GRID1: variants seen among roughly 807,000 people sequenced by gnomAD.
GRID1 encodes the protein glutamate receptor ionotropic, delta-1.
GRID1 carries 28 observed loss-of-function variants against 98.0 expected under a neutral mutation model. The ratio of observed to expected loss-of-function variants is 0.29; its 90% CI spans 0.21 to 0.39. The LOEUF (loss-of-function observed/expected upper bound fraction) is 0.39, where lower values mean the gene tolerates loss of function less well. GRID1 is among the 10% of genes least tolerant of loss of function. The pLI is 1.00. For synonymous variants in GRID1, 553 were observed against 538.5 expected (o/e 1.03, Z -0.37); for missense variants, 1,111 against 1,340.5 (o/e 0.83, Z 2.67).
chr10:85,939,911 C>T (rs913033942), intron 4 of GRID1, among the ~76,000 whole-genome samples: 1 of 151,682 alleles, frequency 6.6e-6, no homozygotes, highest in Non-Finnish European at 1.5e-5. Flanking sequence ...ACTAAAAATA[C>T]AAAAAATTAG....
At chr10:85,635,496 T>C (rs764979399) in intron 13 of GRID1, among the ~76,000 whole-genome samples, 1 of 152,200 alleles carries the variant, frequency 6.6e-6, no homozygotes, top group Non-Finnish European at 1.5e-5. Flanking sequence ...AAGATGCATA[T>C]GAATGCTATT....
intron 12 of GRID1, chr10:85,648,045 A>T (rs968420539): frequency 1.3e-5 from 2 of 151,964 alleles, no homozygotes; most frequent in Admixed American, 6.5e-5. Flanking sequence ...TTGAAAAAAT[A>T]AAAAAATTGG....
chr10:86,310,421 G>A (rs2132087861), intron 2 of GRID1, among the ~76,000 whole-genome samples: 1 of 152,226 alleles, frequency 6.6e-6, no homozygotes, highest in African/African-American at 2.4e-5. Context: ...CTGTCATGGT[G>A]GTCCCCAGCC....
intron 3 of GRID1, among the ~76,000 whole-genome samples, chr10:86,139,345 C>T (rs1236546931): frequency 2.0e-5 from 3 of 152,156 alleles, no homozygotes; most frequent in Admixed American, 1.3e-4. Context: ...GCAATTCTGG[C>T]CTTCAGGTCA....
intron 4 of GRID1, among the ~76,000 whole-genome samples, chr10:86,134,446 A>T (rs1421135276): frequency 6.6e-6 from 1 of 152,220 alleles, no homozygotes; most frequent in African/African-American, 2.4e-5. Flanking sequence ...GGGCCAAATG[A>T]CTGTGGACTG....
chr10:85,620,512 C>T (rs986413497), intron 13 of GRID1, among the ~76,000 whole-genome samples: 1 of 151,762 alleles, frequency 6.6e-6, no homozygotes, highest in Admixed American at 6.6e-5. Flanking sequence ...CTTGTCTGAG[C>T]TCTGCTTAGG....
intron 2 of GRID1, among the ~76,000 whole-genome samples, chr10:86,282,905 A>C (rs2607843): frequency 0.94 from 142,690 of 152,218 alleles, 67,610 homozygotes; most frequent in African/African-American, 0.98. Context: ...TCTGAAGCCA[A>C]TCAGCAGCAA....
chr10:86,144,454 G>A (rs74148943), intron 3 of GRID1, among the ~76,000 whole-genome samples: 1 of 152,268 alleles, frequency 6.6e-6, no homozygotes, highest in African/African-American at 2.4e-5. Flanking sequence ...GACCATCCAT[G>A]GGGAGGAGAG....
At chr10:86,169,174 C>A (rs886706134) in intron 3 of GRID1, among the ~76,000 whole-genome samples, 1 of 152,164 alleles carries the variant, frequency 6.6e-6, no homozygotes, top group African/African-American at 2.4e-5. Context: ...CACAGCAGAC[C>A]AAAAGGGCCA....
chr10:86,095,011 G>T (rs2131940813), intron 4 of GRID1, among the ~76,000 whole-genome samples: 1 of 152,230 alleles, frequency 6.6e-6, no homozygotes, highest in Non-Finnish European at 1.5e-5. Flanking sequence ...TAGACCAATG[G>T]AACAGAATAG....
At chr10:85,695,439 G>A (rs538258172) in intron 12 of GRID1, among the ~76,000 whole-genome samples, 150 of 152,236 alleles carry the variant, frequency 9.9e-4, no homozygotes, top group African/African-American at 3.4e-3. Flanking sequence ...AGCCTGAACA[G>A]GAATACAAAT....
intron 4 of GRID1, among the ~76,000 whole-genome samples, chr10:86,093,583 C>T (rs754997269): frequency 2.0e-5 from 3 of 152,098 alleles, no homozygotes; most frequent in Admixed American, 1.3e-4. Context: ...CCTTTATGCA[C>T]ATAAACTAGA....
At chr10:85,800,964 G>C (rs34777752) in intron 8 of GRID1, among the ~76,000 whole-genome samples, 18,055 of 151,802 alleles carry the variant, frequency 0.12, 1,351 homozygotes, top group African/African-American at 0.21. Context: ...ATACATAAAA[G>C]TCAATTATTT....
intron 8 of GRID1, among the ~76,000 whole-genome samples, chr10:85,768,316 T>C (rs1842216957): frequency 6.6e-6 from 1 of 152,090 alleles, no homozygotes; most frequent in South Asian, 2.1e-4. Flanking sequence ...ATTGAAACTA[T>C]AAAATTTCTA....
chr10:85,609,513 G>T (rs1053606283), intron 15 of GRID1, among the ~76,000 whole-genome samples: 1 of 152,244 alleles, frequency 6.6e-6, no homozygotes, highest in East Asian at 1.9e-4. Flanking sequence ...AGACATCAAA[G>T]GAGTGGAGGC....
chr10:86,349,825 C>T (rs1029780897), intron 2 of GRID1, among the ~76,000 whole-genome samples: 3 of 152,260 alleles, frequency 2.0e-5, no homozygotes, highest in African/African-American at 7.2e-5. Flanking sequence ...CTCCAACCAG[C>T]CACATACCAG....
rs1896528 is a variant in GRID1 at position 86,307,312 on chromosome 10, C to T, written c.235+56629G>A. Among the ~76,000 whole-genome samples, 765 of 151,984 alleles carry T rather than the reference C, an allele frequency of 5.0e-3. 8 individuals are homozygous for T. The highest frequency in any genetic ancestry group is 0.018 in the African/African-American group (740 of 41,414). ...AACAGCCTAAGTGGCCATCAATGAG[C>T]GAATGGATAAAGAAAATGTGGTATA... On this transcript the variant is annotated intron_variant, in intron 2 of 15. Coordinates refer to ENST00000327946, the MANE Select transcript of GRID1 (RefSeq NM_017551.3).
chr10:85,833,181 G>T (rs368407888), intron 8 of GRID1, among the ~76,000 whole-genome samples: 2 of 152,176 alleles, frequency 1.3e-5, no homozygotes, highest in East Asian at 1.9e-4. Context: ...GCATTGGCAA[G>T]GGGGATCCTG....
intron 13 of GRID1, among the ~76,000 whole-genome samples, chr10:85,632,521 G>C (rs1842986972): frequency 6.7e-6 from 1 of 150,256 alleles, no homozygotes; most frequent in Admixed American, 6.6e-5. Flanking sequence ...GGCGGTGTTG[G>C]AACAAGGCCC....
Sources: allele counts gnomAD v4.1 joint callset (sites outside exome capture counted in the v4.1 genomes callset), GRCh38; gene constraint gnomAD v4.1.1; transcripts MANE v1.5; gene names NCBI Gene and HGNC (gene_info 2026-07-23, HGNC 2026-07-21).